The following EBF2 variants were observed in gnomAD, a reference collection of about 807,000 sequenced individuals.
The protein encoded by EBF2 is transcription factor COE2.
In EBF2, 21 loss-of-function variants were observed where a neutral mutation model predicts 72.8. The observed-to-expected ratio is 0.29, with a 90% CI of 0.20 to 0.42. The LOEUF is 0.42. Ranked by LOEUF, EBF2 falls within the 10% of genes least tolerant of loss-of-function variation. EBF2 has a pLI of 1.00. For missense variants in EBF2, 637 were observed against 731.2 expected, an observed-to-expected ratio of 0.87 and a Z score of 1.49; for synonymous variants, 299 against 274.2, an observed-to-expected ratio of 1.09 and a Z score of -0.89.
intron 6 of EBF2, among the ~76,000 whole-genome samples, chr8:25,939,192 T>C (rs1803628620): frequency 2.0e-5 from 3 of 152,222 alleles, no homozygotes; most frequent in Admixed American, 2.0e-4. Context: ...TGATCTTCTT[T>C]TCTTAGTTCC....
chr8:26,005,802 G>T (rs1429771575), intron 6 of EBF2, among the ~76,000 whole-genome samples: 2 of 140,758 alleles, frequency 1.4e-5, no homozygotes, highest in African/African-American at 5.4e-5. Flanking sequence ...CTGCACTCCA[G>T]CATGAGCAAC....
chr8:25,930,333 G>A (rs946634808), intron 6 of EBF2, among the ~76,000 whole-genome samples: 7 of 152,288 alleles, frequency 4.6e-5, no homozygotes, highest in East Asian at 3.9e-4. Flanking sequence ...AGTAGAGTTC[G>A]TTACTTCATA....
At chr8:25,858,276 G>T in intron 14 of EBF2, 43 bp downstream of exon 14, 2 of 1,609,026 alleles carry the variant, frequency 1.2e-6, no homozygotes, top group Non-Finnish European at 1.7e-6. Context: ...AAAACCCAGA[G>T]ACAAAAAAGC....
At chr8:25,934,465 T>C (rs190251529) in intron 6 of EBF2, among the ~76,000 whole-genome samples, 1 of 152,318 alleles carries the variant, frequency 6.6e-6, no homozygotes, top group East Asian at 1.9e-4. Flanking sequence ...CATTGCCGTT[T>C]TCAAATTTTG....
At chr8:25,946,228 C>T (rs532353437) in intron 6 of EBF2, among the ~76,000 whole-genome samples, 27 of 152,330 alleles carry the variant, frequency 1.8e-4, no homozygotes, top group African/African-American at 5.8e-4. Flanking sequence ...AAGAAAATCA[C>T]TTTGGGAGTG....
intron 5 of EBF2, among the ~76,000 whole-genome samples, chr8:26,039,570 C>A (rs1805564632): frequency 6.6e-6 from 1 of 152,202 alleles, no homozygotes; most frequent in Non-Finnish European, 1.5e-5. Flanking sequence ...CCAGGAAGCA[C>A]CCCGGAAATG....
chr8:25,876,937 G>A (rs1041385117), intron 10 of EBF2, among the ~76,000 whole-genome samples: 28 of 152,144 alleles, frequency 1.8e-4, no homozygotes, highest in East Asian at 1.9e-4. Flanking sequence ...CTGAACTGCT[G>A]TCATTTTTGC....
chr8:25,869,322 T>C (rs4871957), intron 10 of EBF2, among the ~76,000 whole-genome samples: 3 of 151,994 alleles, frequency 2.0e-5, no homozygotes, highest in East Asian at 1.9e-4. Flanking sequence ...ACTCCTCAAG[T>C]TGGAGACAGG....
chr8:25,949,128 T>C (rs1234502087), intron 6 of EBF2, among the ~76,000 whole-genome samples: 1 of 152,222 alleles, frequency 6.6e-6, no homozygotes, highest in African/African-American at 2.4e-5. Context: ...TGTTTAATCC[T>C]TGTAACTACC....
intron 6 of EBF2, among the ~76,000 whole-genome samples, chr8:25,974,778 A>G (rs1804242845): frequency 6.6e-6 from 1 of 151,868 alleles, no homozygotes; most frequent in Non-Finnish European, 1.5e-5. Flanking sequence ...AAAAAAATAC[A>G]GTTTTCCAAG....
intron 7 of EBF2, among the ~76,000 whole-genome samples, chr8:25,905,035 G>A (rs937917386): frequency 2.6e-5 from 4 of 152,092 alleles, no homozygotes; most frequent in African/African-American, 9.7e-5. Flanking sequence ...ATGGGCAAAG[G>A]ATTTAAATAG....
intron 14 of EBF2, among the ~76,000 whole-genome samples, chr8:25,854,344 TC>T (rs1802041749): frequency 6.6e-6 from 1 of 152,094 alleles, no homozygotes; most frequent in Admixed American, 6.6e-5. Flanking sequence ...ATATCTCTGT[TC>T]CCCATTCTTA....
At chr8:25,960,527 G>A (rs1804018885) in intron 6 of EBF2, among the ~76,000 whole-genome samples, 1 of 152,188 alleles carries the variant, frequency 6.6e-6, no homozygotes, top group South Asian at 2.1e-4. Flanking sequence ...AAATTGTAGA[G>A]GCGCCATTGG....
At chr8:25,949,750 AAAG>A (rs1254733261) in intron 6 of EBF2, among the ~76,000 whole-genome samples, 1 of 152,318 alleles carries the variant, frequency 6.6e-6, no homozygotes, top group South Asian at 2.1e-4. Context: ...GAGTGAAGGA[AAAG>A]AAGGAGAGAC....
In EBF2 at chr8:25,923,518, A is replaced by C. The variant is rs570283815; in HGVS notation, c.552-14963T>G. Among the ~76,000 whole-genome samples the C allele has an allele frequency of 8.5e-5, 13 of 152,342 alleles. 1 individual carries two copies. In the South Asian group the frequency reaches 2.7e-3, roughly 32 times the overall value. On this transcript the variant is annotated intron_variant, in intron 6 of 15. Coordinates refer to ENST00000520164, the MANE Select transcript of EBF2 (RefSeq NM_022659.4). ...CAATGATTCTATTGTAAATGTATAC[A>C]CATATATGTCTATAAAAAAGCAGAT...
chr8:25,892,322 T>C (rs1802797276), intron 7 of EBF2, among the ~76,000 whole-genome samples: 1 of 152,172 alleles, frequency 6.6e-6, no homozygotes, highest in Admixed American at 6.5e-5. Flanking sequence ...AAGTGAAGCC[T>C]CCAAAGTGGA....
intron 6 of EBF2, among the ~76,000 whole-genome samples, chr8:25,950,443 C>T (rs1185124190): frequency 4.1e-4 from 62 of 152,182 alleles, no homozygotes; most frequent in Non-Finnish European, 4.4e-5. Flanking sequence ...TGCAGGGGCC[C>T]TCAGAATCTA....
chr8:26,042,338 G>C (rs1283291404), intron 1 of EBF2, 87 bp from the exon 2 acceptor site: 4 of 1,468,326 alleles, frequency 2.7e-6, no homozygotes. Flanking sequence ...CTGCAGAGGG[G>C]TAAGGGGTCC....
intron 7 of EBF2, among the ~76,000 whole-genome samples, chr8:25,891,672 G>A (rs941568150): frequency 6.6e-6 from 1 of 151,754 alleles, no homozygotes; most frequent in Non-Finnish European, 1.5e-5. Context: ...CCACCTCCAG[G>A]GTTAAAACAA....
Sources: gnomAD v4.1 joint callset for allele counts (sites outside exome capture counted in the v4.1 genomes callset) on GRCh38, gnomAD v4.1.1 for gene constraint, MANE v1.5 for transcripts, NCBI Gene and HGNC (gene_info 2026-07-23, HGNC 2026-07-21) for gene names.